ARRB1: variants seen among roughly 807,000 people sequenced by gnomAD.
The protein encoded by ARRB1 is arrestin beta 1, also known as beta-arrestin-1.
A neutral mutation model predicts 56.8 loss-of-function variants in ARRB1; 21 were observed. The observed-to-expected ratio is 0.37, with a 90% confidence interval of 0.26 to 0.53. The LOEUF (loss-of-function observed/expected upper bound fraction) is 0.53, where lower values mean the gene tolerates loss of function less well. ARRB1 is among the 20% of genes least tolerant of loss of function. The pLI, the probability that ARRB1 is intolerant of heterozygous loss-of-function variation, is 0.88. For synonymous variants in ARRB1, 210 were observed against 218.6 expected, an observed-to-expected ratio of 0.96 and a Z score of 0.35; for missense variants, 424 against 553.7, an observed-to-expected ratio of 0.77 and a Z score of 2.35.
Position 75,266,083 on chromosome 11 carries a change from A to G in ARRB1, c.*80T>C. On this transcript the variant is annotated 3_prime_UTR_variant, in exon 16 of 16. Transcript: ENST00000420843. ...ACTGGAAGAACAAAGGGGAAAAGAA[A>G]CCAGAACAGGAAGAAGACGAGTAAG... 7.8e-7 allele frequency: 1 copy of G among 1,275,300 alleles called. No individual in the cohort carries two copies. The highest frequency in any genetic ancestry group is 1.1e-6 in the Non-Finnish European group (1 of 878,138). The allele number at this position is 1,275,300 out of a possible 1,614,324, so 79.0% of individuals were successfully genotyped here. A position where few individuals can be genotyped will look rare whatever the true frequency, so the allele number is the denominator to read the frequency against.
intron 10 of ARRB1, among the ~76,000 whole-genome samples, chr11:75,275,504 T>C (rs1181190582): frequency 1.3e-5 from 2 of 152,294 alleles, no homozygotes; most frequent in South Asian, 2.1e-4. Context: ...ATGAAGCTAT[T>C]TGGGCACCCA....
intron 1 of ARRB1, among the ~76,000 whole-genome samples, chr11:75,337,092 A>G (rs1230202049): frequency 6.6e-6 from 1 of 152,206 alleles, no homozygotes; most frequent in Non-Finnish European, 1.5e-5. Flanking sequence ...TCTAAGCCTT[A>G]TTTAATTATC....
intron 1 of ARRB1, among the ~76,000 whole-genome samples, chr11:75,325,848 C>T (rs1476407910): frequency 6.6e-6 from 1 of 152,204 alleles, no homozygotes; most frequent in East Asian, 1.9e-4. Flanking sequence ...TCTGAGATCC[C>T]TTCTGGACCT....
intron 1 of ARRB1, among the ~76,000 whole-genome samples, chr11:75,337,702 AC>A (rs1947627830): frequency 6.7e-6 from 1 of 150,122 alleles, no homozygotes; most frequent in Non-Finnish European, 1.5e-5. Flanking sequence ...CATTCACTCT[AC>A]CTGGGCAGGG....
rs755480020 is a variant in ARRB1, at chr11:75,267,715, G to A, written c.1094-12C>T. The A allele has an allele frequency of 5.7e-6, 9 of 1,579,604 alleles. No homozygotes were observed. The South Asian group carries it at 1.0e-4, about 18-fold the overall frequency. ...CTCGTTCTCTGGAACTAAACACAGG[G>A]TGGGTGGGCAGGGTGTCCAGGGATT... is the stretch of plus-strand genomic sequence containing the variant. On this transcript the variant is annotated splice_polypyrimidine_tract_variant and intron_variant, in intron 14 of 15. Transcript: ENST00000420843.
intron 1 of ARRB1, chr11:75,335,119 GC>G: frequency 4.4e-6 from 1 of 226,492 alleles, no homozygotes; most frequent in Non-Finnish European, 1.0e-5. Context: ...TGGAGGAAGG[GC>G]CCAGAGGCGA....
At chr11:75,269,661 G>T (rs978151019) in intron 13 of ARRB1, among the ~76,000 whole-genome samples, 30 of 152,182 alleles carry the variant, frequency 2.0e-4, no homozygotes, top group African/African-American at 7.2e-4. Flanking sequence ...CCTGTGCCAA[G>T]GATTACTGTA....
chr11:75,268,953 C>T lies in ARRB1; in HGVS notation c.1029G>A (p.Val343=). The change falls in exon 14 of 16, where the codon GTG becomes GTA. Residue 343 remains valine, a synonymous_variant. Coordinates refer to ENST00000420843, the MANE Select transcript of ARRB1 (RefSeq NM_004041.5). ...TTAGGGTGAAGGGCAGTTCCACGGCCACGTCGCTGAAACAGAGACCCAGAC... is the reference window on the plus strand; with the variant it reads ...TTAGGGTGAAGGGCAGTTCCACGGCTACGTCGCTGAAACAGAGACCCAGAC... ...GLLGDLASSD[V]AVELPFTLMH... is the part of the protein sequence containing the mutation. 2 of 1,609,588 alleles carry T rather than the reference C, an allele frequency of 1.2e-6. No homozygotes were observed. The highest frequency in any genetic ancestry group is 1.7e-6 in the Non-Finnish European group (2 of 1,178,784).
At chr11:75,299,553 T>C (rs1946847022) in intron 1 of ARRB1, among the ~76,000 whole-genome samples, 1 of 152,134 alleles carries the variant, frequency 6.6e-6, no homozygotes, top group East Asian at 1.9e-4. Context: ...AGGATCCATG[T>C]TTCTGTGAAT....
intron 1 of ARRB1, among the ~76,000 whole-genome samples, chr11:75,292,297 G>T (rs1591930618): frequency 6.6e-6 from 1 of 151,970 alleles, no homozygotes. Context: ...GCACCACCAG[G>T]CCAGGCTAAT....
At chr11:75,311,613 A>G (rs1179701301) in intron 1 of ARRB1, among the ~76,000 whole-genome samples, 1 of 152,348 alleles carries the variant, frequency 6.6e-6, no homozygotes, top group East Asian at 1.9e-4. Flanking sequence ...CACCCTCTCA[A>G]ATCCCATAAT....
intron 1 of ARRB1, among the ~76,000 whole-genome samples, chr11:75,338,006 G>C (rs1476934157): frequency 6.6e-6 from 1 of 151,978 alleles, no homozygotes; most frequent in Non-Finnish European, 1.5e-5. Flanking sequence ...CAGCTAAAGA[G>C]ATCGGCTTGA....
chr11:75,350,765 G>C (rs1455453279), intron 1 of ARRB1, among the ~76,000 whole-genome samples: 2 of 152,226 alleles, frequency 1.3e-5, no homozygotes, highest in African/African-American at 4.8e-5. Flanking sequence ...TGGATGAAAT[G>C]CGATCTGTTT....
chr11:75,283,620 G>A, intron 4 of ARRB1, 137 bp from the exon 5 acceptor site: 2 of 833,184 alleles, frequency 2.4e-6, no homozygotes, highest in South Asian at 2.0e-5. Context: ...TGGCTGCACT[G>A]TCTCCACCAG....
At chr11:75,321,785 T>C (rs1344830928) in intron 1 of ARRB1, among the ~76,000 whole-genome samples, 1 of 152,202 alleles carries the variant, frequency 6.6e-6, no homozygotes. Flanking sequence ...CTTATGAATA[T>C]TCAACAGAAT....
At chr11:75,324,565 C>T (rs1244937887) in intron 1 of ARRB1, among the ~76,000 whole-genome samples, 2 of 152,164 alleles carry the variant, frequency 1.3e-5, no homozygotes, top group African/African-American at 2.4e-5. Flanking sequence ...AGAAGCCCTC[C>T]CTGATCACCG....
At chr11:75,267,623 CGGATGT>C in intron 15 of ARRB1, 23 bp downstream of exon 15, 1 of 1,557,436 alleles carries the variant, frequency 6.4e-7, no homozygotes, top group Non-Finnish European at 8.7e-7. Context: ...GGCCCACCCC[CGGATGT>C]CTGCAGGCAG....
At chr11:75,322,409 G>A (rs1443937220) in intron 1 of ARRB1, among the ~76,000 whole-genome samples, 12 of 152,208 alleles carry the variant, frequency 7.9e-5, no homozygotes, top group Non-Finnish European at 1.5e-4. Flanking sequence ...GGGATTCTGA[G>A]GCAGGAGAAT....
intron 12 of ARRB1, 96 bp from the exon 13 acceptor site, chr11:75,271,820 C>T (rs993551041): frequency 3.1e-5 from 43 of 1,376,046 alleles, no homozygotes; most frequent in Non-Finnish European, 3.9e-5. Flanking sequence ...TGCTGTCCCC[C>T]GGATAGAGAA....
Sources: allele counts gnomAD v4.1 joint callset (sites outside exome capture counted in the v4.1 genomes callset), GRCh38; gene constraint gnomAD v4.1.1; transcripts MANE v1.5; gene names NCBI Gene and HGNC (gene_info 2026-07-23, HGNC 2026-07-21).